The following NKIRAS1 variants were observed in gnomAD, a reference collection of about 807,000 sequenced individuals.
The protein encoded by NKIRAS1 is NF-kappa-B inhibitor-interacting Ras-like protein 1.
A neutral mutation model predicts 19.8 loss-of-function variants in NKIRAS1; 16 were observed. The observed-to-expected ratio is 0.81, with a 90% CI of 0.55 to 1.23. The LOEUF (loss-of-function observed/expected upper bound fraction) is 1.23. Ranked by LOEUF, NKIRAS1 falls within the 50% of genes most tolerant of loss-of-function variation. The pLI is 0.00. For missense variants in NKIRAS1, 184 were observed against 220.0 expected (o/e 0.84, Z 1.04); for synonymous variants, 88 against 79.0 (o/e 1.11, Z -0.61).
At chr3:23,946,144 C>T in intron 1 of NKIRAS1, 1 of 985,196 alleles carries the variant, frequency 1.0e-6, no homozygotes, top group Non-Finnish European at 1.2e-6. Flanking sequence ...CGGGGTTGCA[C>T]ACTGCGGAGG....
At chr3:23,894,821 G>A (rs1442172831) in intron 4 of NKIRAS1, among the ~76,000 whole-genome samples, 2 of 152,036 alleles carry the variant, frequency 1.3e-5, no homozygotes, top group Non-Finnish European at 2.9e-5. Flanking sequence ...TCAGTCTGTT[G>A]TACCTACTAA....
At chr3:23,908,326 C>A (rs2125406380) in intron 3 of NKIRAS1, among the ~76,000 whole-genome samples, 1 of 152,262 alleles carries the variant, frequency 6.6e-6, no homozygotes, top group South Asian at 2.1e-4. Context: ...CTTTAAGTAA[C>A]CATCACTTGT....
chr3:23,906,550 C>T (rs189113320), intron 3 of NKIRAS1, among the ~76,000 whole-genome samples: 1 of 152,292 alleles, frequency 6.6e-6, no homozygotes, highest in African/African-American at 2.4e-5. Flanking sequence ...TCCTCCTTCT[C>T]CTCAGTCTAC....
At chr3:23,896,971 C>T (rs977964835) in intron 4 of NKIRAS1, among the ~76,000 whole-genome samples, 14 of 151,844 alleles carry the variant, frequency 9.2e-5, no homozygotes, top group African/African-American at 1.2e-4. Context: ...TTTGGGAGGC[C>T]GAGGCAGGAG....
chr3:23,908,362 A>G (rs1703279402), intron 3 of NKIRAS1, among the ~76,000 whole-genome samples: 3 of 152,192 alleles, frequency 2.0e-5, no homozygotes, highest in Non-Finnish European at 2.9e-5. Context: ...TACCAAAGAA[A>G]AATACCCATA....
At chr3:23,918,245 A>G, upstream of NKIRAS1, 2 of 911,176 alleles carry the variant, frequency 2.2e-6, no homozygotes, top group South Asian at 1.8e-5. Flanking sequence ...GACTAAAGCA[A>G]AATAAACAGT....
rs571632532 is a variant in NKIRAS1 at position 23,936,720 on chromosome 3, G to A, written c.-140+9603C>T. ...TGCCACCACACCTGGCTAATTTTCT[G>A]TATTTTTACTAGAGATGAGAGTTCA... On this transcript the variant is annotated intron_variant, in intron 1 of 4. Coordinates refer to the NKIRAS1 transcript ENST00000421515. Among the ~76,000 whole-genome samples, 26 of 152,184 alleles carry A rather than the reference G, an allele frequency of 1.7e-4. No individual in the cohort carries two copies. In the South Asian group the frequency reaches 3.5e-3, roughly 21 times the overall value.
At chr3:23,946,103 A>G in intron 1 of NKIRAS1, 1 of 984,002 alleles carries the variant, frequency 1.0e-6, no homozygotes, top group East Asian at 1.2e-4. Context: ...GCCTCGGGGC[A>G]GTGACGTCGC....
chr3:23,925,527 A>G (rs1482319266), intron 1 of NKIRAS1, among the ~76,000 whole-genome samples: 4 of 152,170 alleles, frequency 2.6e-5, no homozygotes, highest in African/African-American at 7.2e-5. Context: ...CCAGCTACTC[A>G]GGAGGCTAAG....
upstream of NKIRAS1, chr3:23,918,740 T>C: frequency 3.6e-6 from 3 of 825,432 alleles, no homozygotes; most frequent in South Asian, 3.6e-5. Context: ...GAAAGACTTG[T>C]CTTTGTTACA....
intron 3 of NKIRAS1, among the ~76,000 whole-genome samples, chr3:23,906,188 GA>G (rs1703044265): frequency 6.7e-6 from 1 of 149,048 alleles, no homozygotes; most frequent in African/African-American, 2.5e-5. Flanking sequence ...ACCAAAGGGA[GA>G]AACAAAGGGG....
chr3:23,946,004 G>C (rs1705680501), intron 1 of NKIRAS1: 1 of 676,622 alleles, frequency 1.5e-6, no homozygotes, highest in African/African-American at 2.0e-5. Context: ...ACATTCCCCG[G>C]GGCCGCAGGG....
At chr3:23,935,372 G>T (rs1705375311) in intron 1 of NKIRAS1, among the ~76,000 whole-genome samples, 1 of 70,844 alleles carries the variant, frequency 1.4e-5, no homozygotes, top group South Asian at 4.7e-4. Flanking sequence ...CCAAGGTTCT[G>T]ATTAGACAAA....
chr3:23,912,496 A>G (rs183063992), intron 1 of NKIRAS1, among the ~76,000 whole-genome samples: 269 of 152,316 alleles, frequency 1.8e-3, no homozygotes, highest in Middle Eastern at 3.4e-3. Flanking sequence ...ATGAGATACC[A>G]TCTCACGCCA....
intron 1 of NKIRAS1, chr3:23,923,873 A>G (rs1705159877): frequency 1.3e-5 from 2 of 152,230 alleles, no homozygotes; most frequent in Non-Finnish European, 2.9e-5. Flanking sequence ...TTAGGGGGAA[A>G]TGATACTCTT....
At chr3:23,915,149 T>C (rs1704207329) in intron 1 of NKIRAS1, among the ~76,000 whole-genome samples, 1 of 152,230 alleles carries the variant, frequency 6.6e-6, no homozygotes, top group Non-Finnish European at 1.5e-5. Flanking sequence ...CTGAATTATC[T>C]AGGTGGGCCC....
intron 3 of NKIRAS1, among the ~76,000 whole-genome samples, chr3:23,906,042 C>A (rs1387152317): frequency 1.3e-5 from 2 of 151,720 alleles, no homozygotes; most frequent in African/African-American, 4.8e-5. Flanking sequence ...GACCGTAATC[C>A]CAGCTACTTG....
chr3:23,918,112 G>T (rs1704774599), upstream of NKIRAS1: 5 of 1,502,910 alleles, frequency 3.3e-6, no homozygotes, highest in African/African-American at 5.6e-5. Context: ...AGACACTGCT[G>T]CCTCAGTGTC....
Position 23,890,572 on chromosome 3 carries a change from T to A in NKIRAS1, c.*2523A>T. The A allele has an allele frequency of 6.2e-7, 1 of 1,613,702 alleles. No homozygotes were observed. The highest frequency in any genetic ancestry group is 8.5e-7 in the Non-Finnish European group (1 of 1,179,808). On this transcript the variant is annotated 3_prime_UTR_variant, in exon 5 of 5. Coordinates refer to ENST00000425478, the MANE Select transcript of NKIRAS1 (RefSeq NM_020345.4). The stretch of plus-strand genomic sequence containing the variant: ...ACCAACAGAGCAGAACATGACAGAA[T>A]GGCCAGACAGTGGACCAAGAGATAC...
Sources: allele counts gnomAD v4.1 joint callset (sites outside exome capture counted in the v4.1 genomes callset), GRCh38; gene constraint gnomAD v4.1.1; transcripts MANE v1.5; gene names NCBI Gene and HGNC (gene_info 2026-07-23, HGNC 2026-07-21).